Variants in UMAD1 observed in about 807,000 individuals in gnomAD.
The protein encoded by UMAD1 is UBAP1-MVB12-associated (UMA)-domain containing protein 1.
A neutral mutation model predicts 6.1 loss-of-function variants in UMAD1; 8 were observed. That is an observed-to-expected ratio of 1.30 (90% confidence interval 0.76 to 2.35). UMAD1 has a LOEUF of 2.35. Among genes scored for constraint, UMAD1 ranks in the 30% most tolerant of loss-of-function variants. The probability of loss-of-function intolerance (pLI) is 0.00; values close to 1 mark genes in which losing one functional copy is unlikely to be tolerated. For synonymous variants in UMAD1, 56 were observed against 31.4 expected (o/e 1.78, Z -2.61); for missense variants, 130 against 78.4 (o/e 1.66, Z -2.49).
chr7:7,679,373 AATATATATTTATATATTTAATTTATAGAT>A (rs1265495626), intron 2 of UMAD1, among the ~76,000 whole-genome samples: 2 of 8,338 alleles, frequency 2.4e-4, no homozygotes, highest in Non-Finnish European at 3.2e-4. Flanking sequence ...GTTTATAGAT[AATATATATTTATATATTTAATTTATAGAT>A]AATATATATT....
chr7:7,696,351 G>A (rs998993241), intron 2 of UMAD1, among the ~76,000 whole-genome samples: 1 of 150,590 alleles, frequency 6.6e-6, no homozygotes, highest in Non-Finnish European at 1.5e-5. Flanking sequence ...GAAGTATCAC[G>A]ATAAAGACAA....
At chr7:7,850,037 C>A (rs1783882001) in intron 3 of UMAD1, among the ~76,000 whole-genome samples, 1 of 152,034 alleles carries the variant, frequency 6.6e-6, no homozygotes, top group Non-Finnish European at 1.5e-5. Context: ...AAAAGGAAAA[C>A]CTTCATGCCC....
chr7:7,827,133 A>ATG (rs1354412548), intron 3 of UMAD1, among the ~76,000 whole-genome samples: 104 of 89,240 alleles, frequency 1.2e-3, no homozygotes, highest in African/African-American at 3.1e-3. Flanking sequence ...ATATATATAT[A>ATG]TATATATATA....
intron 1 of UMAD1, among the ~76,000 whole-genome samples, chr7:7,664,344 C>T (rs1254162457): frequency 1.3e-5 from 2 of 152,166 alleles, no homozygotes; most frequent in African/African-American, 4.8e-5. Context: ...AGGCTCTTCT[C>T]AGTCTCTCTA....
At chr7:7,834,467 A>G (rs1487029261) in intron 3 of UMAD1, among the ~76,000 whole-genome samples, 1 of 152,218 alleles carries the variant, frequency 6.6e-6, no homozygotes, top group Non-Finnish European at 1.5e-5. Flanking sequence ...GTAACAAAAT[A>G]CCATAGACTG....
At chr7:7,815,866 G>C (rs180985691) in intron 3 of UMAD1, among the ~76,000 whole-genome samples, 7 of 152,248 alleles carry the variant, frequency 4.6e-5, no homozygotes, top group Admixed American at 4.6e-4. Flanking sequence ...CTCTGACATA[G>C]ATATCAACCT....
At chr7:7,696,818 TTCTC>T (rs1305963645) in intron 2 of UMAD1, among the ~76,000 whole-genome samples, 1 of 152,086 alleles carries the variant, frequency 6.6e-6, no homozygotes, top group African/African-American at 2.4e-5. Flanking sequence ...CATGTAGATG[TTCTC>T]TCTTTTTCTT....
rs1039213786 is a variant in UMAD1 at position 7,797,473 on chromosome 7, C to T, written c.83-4197C>T. On this transcript the variant is annotated intron_variant, in intron 2 of 3. Coordinates refer to ENST00000682710, the MANE Select transcript of UMAD1 (RefSeq NM_001302348.2). ...TGCCCCATCACCCACCTACCACCAA[C>T]CCCTTCAGACAAGCCTCCTCTGGGT... 1.3e-5 allele frequency among the ~76,000 whole-genome samples: 2 copies of T among 152,132 alleles called. 1 individual carries two copies. Among genetic ancestry groups the T allele is most frequent in the South Asian group, 4.1e-4 (2 of 4,822 alleles).
intron 2 of UMAD1, among the ~76,000 whole-genome samples, chr7:7,749,446 C>T (rs1471038477): frequency 1.3e-5 from 2 of 152,120 alleles, no homozygotes; most frequent in Non-Finnish European, 1.5e-5. Flanking sequence ...ATTTGAGGAA[C>T]ATTAGTTAAT....
chr7:7,752,827 T>C (rs1158540470), intron 2 of UMAD1, among the ~76,000 whole-genome samples: 3 of 152,132 alleles, frequency 2.0e-5, no homozygotes, highest in Non-Finnish European at 2.9e-5. Context: ...AATTTGTAAT[T>C]TTTCTGTTCT....
chr7:7,662,129 C>G (rs978470585), intron 1 of UMAD1, among the ~76,000 whole-genome samples: 6 of 152,192 alleles, frequency 3.9e-5, no homozygotes, highest in Admixed American at 2.6e-4. Context: ...ACGGCCCACT[C>G]AAGCCTCAGT....
chr7:7,766,161 C>G (rs1436759847), intron 2 of UMAD1, among the ~76,000 whole-genome samples: 2 of 152,142 alleles, frequency 1.3e-5, no homozygotes, highest in Non-Finnish European at 2.9e-5. Context: ...ATAGAGCAGC[C>G]TTGTCAATAG....
At chr7:7,770,084 G>A (rs1483306134) in intron 2 of UMAD1, among the ~76,000 whole-genome samples, 1 of 152,076 alleles carries the variant, frequency 6.6e-6, no homozygotes, top group Non-Finnish European at 1.5e-5. Flanking sequence ...GTTCCAAACT[G>A]GAACCGCTGT....
rs138408086 is a variant in UMAD1, at chr7:7,818,375, T to C, written c.156+16632T>C. Among the ~76,000 whole-genome samples the C allele has an allele frequency of 2.8e-4, 42 of 152,258 alleles. 2 individuals are homozygous for C. The highest frequency in any genetic ancestry group is 1.0e-3 in the African/African-American group (42 of 41,560). ...ATGTGTACCACGTGAACAGACACTT[T>C]GCAAAAGACATACACCTGTCCAACA... On this transcript the variant is annotated intron_variant, in intron 3 of 3. Transcript: ENST00000682710.
chr7:7,748,103 A>ATTT (rs35368211), intron 2 of UMAD1, among the ~76,000 whole-genome samples: 1 of 140,162 alleles, frequency 7.1e-6, no homozygotes, highest in Non-Finnish European at 1.5e-5. Context: ...CGCCCAGCTA[A>ATTT]TTTTTTTTTT....
At chr7:7,864,175 A>G (rs1214843601) in intron 3 of UMAD1, among the ~76,000 whole-genome samples, 1 of 152,212 alleles carries the variant, frequency 6.6e-6, no homozygotes, top group African/African-American at 2.4e-5. Context: ...GCAAAACAAC[A>G]TATAACAAAA....
rs79552957 is a variant in UMAD1, at chr7:7,655,010, C to G, written c.-64+14189C>G. 5.3e-3 allele frequency among the ~76,000 whole-genome samples: 802 copies of G among 151,900 alleles called. 3 individuals carry two copies. Among genetic ancestry groups the G allele is most frequent in the Admixed American group, 7.4e-3 (113 of 15,242 alleles). On this transcript the variant is annotated intron_variant, in intron 1 of 3. Coordinates refer to ENST00000682710, the MANE Select transcript of UMAD1 (RefSeq NM_001302348.2). ...TGCAGGACCTATGGATCTGGTGGGC[C>G]CACTCTATTCTAGAAAATTAGTAAT... is the stretch of plus-strand genomic sequence containing the variant.
At chr7:7,647,049 C>A (rs989917060) in intron 1 of UMAD1, among the ~76,000 whole-genome samples, 4 of 152,042 alleles carry the variant, frequency 2.6e-5, no homozygotes, top group African/African-American at 9.7e-5. Context: ...TGGAGTGTTT[C>A]TTTTATTTAT....
intron 2 of UMAD1, among the ~76,000 whole-genome samples, chr7:7,677,921 C>T (rs1779789596): frequency 6.6e-6 from 1 of 151,988 alleles, no homozygotes; most frequent in Non-Finnish European, 1.5e-5. Flanking sequence ...GATCCGCCCG[C>T]CTCGGCCTCC....
Sources: allele counts gnomAD v4.1 joint callset (sites outside exome capture counted in the v4.1 genomes callset), GRCh38; gene constraint gnomAD v4.1.1; transcripts MANE v1.5; gene names NCBI Gene and HGNC (gene_info 2026-07-23, HGNC 2026-07-21).